SH3GL3: variants seen among roughly 807,000 people sequenced by gnomAD.
SH3GL3 encodes SH3 domain containing GRB2 like 3, endophilin A3.
SH3GL3 carries 33 observed loss-of-function variants against 47.7 expected under a neutral mutation model. The ratio of observed to expected loss-of-function variants is 0.69; its 90% CI spans 0.52 to 0.92. The LOEUF is 0.92. Ranked by LOEUF, SH3GL3 falls within the 40% of genes least tolerant of loss-of-function variation. The pLI, the probability that SH3GL3 is intolerant of heterozygous loss-of-function variation, is 0.00. For missense variants in SH3GL3, 363 were observed against 417.8 expected (o/e 0.87, Z 1.14); for synonymous variants, 155 against 148.8 (o/e 1.04, Z -0.30).
At chr15:83,551,697 G>A (rs2151724730) in intron 1 of SH3GL3, among the ~76,000 whole-genome samples, 1 of 152,270 alleles carries the variant, frequency 6.6e-6, no homozygotes, top group Middle Eastern at 3.4e-3. Flanking sequence ...TGGCCCCTGA[G>A]TGTATGCCTG....
intron 1 of SH3GL3, among the ~76,000 whole-genome samples, chr15:83,545,669 C>T (rs192650081): frequency 2.0e-5 from 3 of 152,298 alleles, no homozygotes; most frequent in Admixed American, 1.3e-4. Flanking sequence ...CCTCTGAAGG[C>T]TTTCCAAGTA....
chr15:83,556,308 T>G (rs1479824949), intron 1 of SH3GL3, among the ~76,000 whole-genome samples: 1 of 152,280 alleles, frequency 6.6e-6, no homozygotes, highest in Non-Finnish European at 1.5e-5. Context: ...TAATGCTATA[T>G]GTGTATTTAT....
intron 1 of SH3GL3, among the ~76,000 whole-genome samples, chr15:83,467,123 G>T (rs921075571): frequency 6.6e-6 from 1 of 152,206 alleles, no homozygotes; most frequent in African/African-American, 2.4e-5. Flanking sequence ...CTTAGTCAGA[G>T]ATCATGAAGA....
chr15:83,477,928 C>G (rs1300032930), intron 1 of SH3GL3, among the ~76,000 whole-genome samples: 1 of 152,132 alleles, frequency 6.6e-6, no homozygotes, highest in Non-Finnish European at 1.5e-5. Flanking sequence ...TGAAAAGCCC[C>G]ATAGACTTAG....
At chr15:83,511,318 C>T (rs2042737821) in intron 1 of SH3GL3, among the ~76,000 whole-genome samples, 1 of 152,156 alleles carries the variant, frequency 6.6e-6, no homozygotes, top group Non-Finnish European at 1.5e-5. Context: ...GCCTGGTGTG[C>T]AGTCACAGAA....
At position 83,591,785 on chromosome 15, in the gene SH3GL3, AGG is replaced by A. The variant is rs2060107917; in HGVS notation, c.838+3015_838+3016del. Among the ~76,000 whole-genome samples, 6 of 152,242 alleles carry A rather than the reference AGG, an allele frequency of 3.9e-5. No individual in the cohort carries two copies. In the South Asian group the frequency reaches 1.0e-3, roughly 26 times the overall value. On this transcript the variant is annotated intron_variant, in intron 8 of 8. Coordinates refer to ENST00000427482, the MANE Select transcript of SH3GL3 (RefSeq NM_003027.5). ...ACTGCAAGCTCCGCCTCCTGGGTTCAGGCCATTCTCCTGCCTCGGCCCCCCGA... is the reference window on the plus strand; with the variant it reads ...ACTGCAAGCTCCGCCTCCTGGGTTCACCATTCTCCTGCCTCGGCCCCCCGA...
intron 8 of SH3GL3, among the ~76,000 whole-genome samples, chr15:83,601,338 A>G (rs13379624): frequency 0.25 from 38,280 of 152,060 alleles, 4,958 homozygotes; most frequent in East Asian, 0.33. Context: ...TGGGTTTTTC[A>G]TAGATGGTTT....
At chr15:83,546,159 G>T (rs895915381) in intron 1 of SH3GL3, among the ~76,000 whole-genome samples, 3 of 148,048 alleles carry the variant, frequency 2.0e-5, no homozygotes, top group Non-Finnish European at 3.0e-5. Flanking sequence ...TAGAAATGCA[G>T]TTCAGGAGCT....
At chr15:83,469,622 G>A (rs950051017) in intron 1 of SH3GL3, among the ~76,000 whole-genome samples, 3 of 151,760 alleles carry the variant, frequency 2.0e-5, no homozygotes, top group Non-Finnish European at 4.4e-5. Context: ...CAAGTGTTTG[G>A]GATTTTTCTT....
At chr15:83,602,444 A>G (rs2060410856) in intron 8 of SH3GL3, among the ~76,000 whole-genome samples, 1 of 152,118 alleles carries the variant, frequency 6.6e-6, no homozygotes, top group South Asian at 2.1e-4. Flanking sequence ...CATAGATGAC[A>G]CCTTCTAGCT....
intron 1 of SH3GL3, among the ~76,000 whole-genome samples, chr15:83,482,684 G>A (rs1038236739): frequency 2.6e-5 from 4 of 151,902 alleles, no homozygotes; most frequent in Non-Finnish European, 4.4e-5. Flanking sequence ...TAGTAGAGGC[G>A]AGTTTTCATC....
intron 1 of SH3GL3, among the ~76,000 whole-genome samples, chr15:83,509,099 A>G (rs577615892): frequency 5.4e-4 from 83 of 152,362 alleles, no homozygotes; most frequent in Non-Finnish European, 8.8e-4. Context: ...ACATTTAAAA[A>G]ATACATATTT....
chr15:83,482,828 T>G (rs944734741), intron 1 of SH3GL3, among the ~76,000 whole-genome samples: 1 of 152,164 alleles, frequency 6.6e-6, no homozygotes, highest in Non-Finnish European at 1.5e-5. Flanking sequence ...TTCTTAAGTT[T>G]GTTTTCTAAG....
chr15:83,616,461 C>T (rs1049103820), intron 8 of SH3GL3, among the ~76,000 whole-genome samples: 3 of 151,828 alleles, frequency 2.0e-5, no homozygotes, highest in Non-Finnish European at 2.9e-5. Flanking sequence ...TCACTGTGTT[C>T]TCGATCTCCT....
At position 83,447,501 on chromosome 15, in the gene SH3GL3, G is replaced by GAAA; in HGVS notation, c.-32_-31insAAA. 1 of 1,489,618 alleles carries GAAA rather than the reference G, an allele frequency of 6.7e-7. No individual in the cohort carries two copies. The highest frequency in any genetic ancestry group is 1.3e-5 in the South Asian group (1 of 78,114). The allele number at this position is 1,489,618 out of a possible 1,614,324, so 92.3% of individuals were successfully genotyped here. A position where few individuals can be genotyped will look rare whatever the true frequency, so the allele number is the denominator to read the frequency against. On this transcript the variant is annotated 5_prime_UTR_variant, in exon 1 of 9. Transcript: ENST00000427482. This position sits in a 1 kb window ranked among gnomAD's most constrained non-coding sequence, Gnocchi z 5.1. ...CGGCCGCGTGGCCCAGCCGAGCCTT[G>GAAA]AGACCACCCCGCCCCTGCCGGTCGC... is the stretch of plus-strand genomic sequence containing the variant.
chr15:83,610,998 T>C (rs532152691), intron 8 of SH3GL3, among the ~76,000 whole-genome samples: 1 of 149,694 alleles, frequency 6.7e-6, no homozygotes, highest in Non-Finnish European at 1.5e-5. Context: ...TATATATATA[T>C]AATATGTATG....
At chr15:83,492,950 A>G (rs1305560870) in intron 1 of SH3GL3, among the ~76,000 whole-genome samples, 3 of 152,266 alleles carry the variant, frequency 2.0e-5, no homozygotes, top group African/African-American at 7.2e-5. Flanking sequence ...AAACCAAAGT[A>G]GGACAGGGAC....
chr15:83,594,812 A>G (rs1206773860), intron 8 of SH3GL3, among the ~76,000 whole-genome samples: 1 of 152,176 alleles, frequency 6.6e-6, no homozygotes, highest in African/African-American at 2.4e-5. Context: ...ACCATCTCAC[A>G]TCAGTCAGAA....
At chr15:83,456,462 T>C (rs539440741) in intron 1 of SH3GL3, among the ~76,000 whole-genome samples, 114 of 65,464 alleles carry the variant, frequency 1.7e-3, no homozygotes, top group South Asian at 5.2e-3. Flanking sequence ...ATCAGCGCGA[T>C]TCCGTGGGCG....
Sources: allele counts gnomAD v4.1 joint callset (sites outside exome capture counted in the v4.1 genomes callset), GRCh38; gene constraint gnomAD v4.1.1; non-coding constraint Gnocchi (gnomAD v3.1); transcripts MANE v1.5; gene names NCBI Gene and HGNC (gene_info 2026-07-23, HGNC 2026-07-21).